The following RAPGEF4 variants were observed in gnomAD, a reference collection of about 807,000 sequenced individuals.
RAPGEF4 encodes the protein Rap guanine nucleotide exchange factor 4, also known as RAP guanine-nucleotide-exchange factor (GEF) 4.
RAPGEF4 carries 66 observed loss-of-function variants against 147.9 expected under a neutral mutation model. The ratio of observed to expected loss-of-function variants is 0.45; its 90% CI spans 0.37 to 0.55. The LOEUF is 0.55. RAPGEF4 is among the 20% of genes least tolerant of loss of function. RAPGEF4 has a pLI of 0.00. For missense variants in RAPGEF4, 1,071 were observed against 1,257.3 expected, an observed-to-expected ratio of 0.85 and a Z score of 2.24; for synonymous variants, 419 against 442.7, an observed-to-expected ratio of 0.95 and a Z score of 0.67.
At chr2:172,944,525 C>G (rs935009338) in intron 6 of RAPGEF4, among the ~76,000 whole-genome samples, 1 of 152,192 alleles carries the variant, frequency 6.6e-6, no homozygotes, top group Non-Finnish European at 1.5e-5. Context: ...TCGGCTGTTT[C>G]TGTTTCATGG....
intron 4 of RAPGEF4, among the ~76,000 whole-genome samples, chr2:172,844,214 A>G (rs1408111557): frequency 6.6e-6 from 1 of 152,170 alleles, no homozygotes; most frequent in East Asian, 1.9e-4. Context: ...TCCCAAGGGC[A>G]GAATGGTCAT....
chr2:172,811,006 T>C (rs1055300413), intron 3 of RAPGEF4, among the ~76,000 whole-genome samples: 4 of 152,230 alleles, frequency 2.6e-5, no homozygotes, highest in African/African-American at 9.6e-5. Flanking sequence ...GGAAAGCCTA[T>C]CAAAGTGTTC....
intron 1 of RAPGEF4, among the ~76,000 whole-genome samples, chr2:172,782,426 T>C (rs1365023756): frequency 6.6e-6 from 1 of 152,200 alleles, no homozygotes. Flanking sequence ...GGTCTCCCTC[T>C]AGTTACCCAG....
chr2:173,009,360 G>C (rs1368029280), intron 17 of RAPGEF4, among the ~76,000 whole-genome samples: 12 of 152,112 alleles, frequency 7.9e-5, no homozygotes, highest in Non-Finnish European at 1.3e-4. Context: ...AAAAAATATT[G>C]AAGGCTTTTG....
intron 1 of RAPGEF4, among the ~76,000 whole-genome samples, chr2:172,755,463 C>T (rs1221378429): frequency 2.0e-5 from 3 of 152,278 alleles, no homozygotes; most frequent in African/African-American, 4.8e-5. Flanking sequence ...GGTGCAATCT[C>T]GGCTCACTGC....
chr2:172,944,406 G>C (rs185230485), intron 6 of RAPGEF4, among the ~76,000 whole-genome samples: 68 of 152,300 alleles, frequency 4.5e-4, no homozygotes, highest in Non-Finnish European at 9.0e-4. Context: ...GGTAGAGATA[G>C]AGGCAAGAAA....
chr2:173,036,668 C>T lies in RAPGEF4; in HGVS notation c.2829C>T (p.Asp943=). The change falls in exon 29 of 31, where the codon GAC becomes GAT. Residue 943 remains aspartate (D), a synonymous_variant. Transcript: ENST00000397081. ...ATGAGGGGAACAAGACGTTCATTGA[C>T]AATCTAGTAAACTTTGAAAAAATGG... The part of the protein sequence containing the change: ...FTHEGNKTFI[D]NLVNFEKMRM... The T allele has an allele frequency of 6.2e-7, 1 of 1,611,102 alleles. No homozygotes were observed. Among genetic ancestry groups the T allele is most frequent in the Middle Eastern group, 1.7e-4 (1 of 6,058 alleles).
rs371699122 is a variant in RAPGEF4 at position 172,985,474 on chromosome 2, C to T, written c.1131C>T (p.His377=). Residue 377 remains histidine (H), a synonymous_variant, in exon 12 of 31, where the codon CAC becomes CAT. Coordinates refer to ENST00000397081, the MANE Select transcript of RAPGEF4 (RefSeq NM_007023.4). ...ELAGVLIFES[H]AKGGTVLFNQ... ...CAGGTGTTCTCATTTTTGAGTCTCA[C>T]GCCAAAGGAGGGACTGTGTGTAAGT... is the stretch of plus-strand genomic sequence containing the variant. 4.1e-5 allele frequency: 66 copies of T among 1,613,722 alleles called. No individual in the cohort carries two copies. In the Middle Eastern group the frequency reaches 1.5e-3, roughly 36 times the overall value.
At chr2:172,931,133 C>A (rs1685876830) in intron 6 of RAPGEF4, among the ~76,000 whole-genome samples, 1 of 123,284 alleles carries the variant, frequency 8.1e-6, no homozygotes, top group Non-Finnish European at 1.5e-5. Flanking sequence ...ATCTGACTTA[C>A]CACAATAAAA....
intron 25 of RAPGEF4, 34 bp downstream of exon 25, chr2:173,027,293 A>G: frequency 6.6e-7 from 1 of 1,508,418 alleles, no homozygotes; most frequent in Non-Finnish European, 8.9e-7. Context: ...AGAAAAAAAA[A>G]TGTTGAGCTG....
At chr2:173,009,541 T>A (rs1187991378) in intron 17 of RAPGEF4, among the ~76,000 whole-genome samples, 1 of 152,170 alleles carries the variant, frequency 6.6e-6, no homozygotes, top group East Asian at 1.9e-4. Flanking sequence ...AATTCGAAGT[T>A]TTTTTAGCTC....
At chr2:172,775,298 C>A (rs1684057007) in intron 1 of RAPGEF4, among the ~76,000 whole-genome samples, 1 of 152,218 alleles carries the variant, frequency 6.6e-6, no homozygotes, top group African/African-American at 2.4e-5. Flanking sequence ...TAAATGCAAT[C>A]ATTCAAACCT....
chr2:172,896,582 C>A (rs890692647), intron 4 of RAPGEF4, among the ~76,000 whole-genome samples: 1 of 151,646 alleles, frequency 6.6e-6, no homozygotes, highest in African/African-American at 2.4e-5. Context: ...ATCCCACCCC[C>A]CCCCAAAAAA....
At chr2:172,865,907 A>G (rs1031502131) in intron 4 of RAPGEF4, among the ~76,000 whole-genome samples, 2 of 152,146 alleles carry the variant, frequency 1.3e-5, no homozygotes, top group Admixed American at 6.5e-5. Flanking sequence ...GTCCATTTGT[A>G]CAAATCCATT....
chr2:173,027,805 A>C (rs139772772), intron 25 of RAPGEF4, among the ~76,000 whole-genome samples: 1 of 152,208 alleles, frequency 6.6e-6, no homozygotes, highest in Non-Finnish European at 1.5e-5. Flanking sequence ...CATGGGAAAC[A>C]ATTTTTTTAC....
At chr2:172,775,735 T>TA (rs1366246447) in intron 1 of RAPGEF4, among the ~76,000 whole-genome samples, 1 of 152,216 alleles carries the variant, frequency 6.6e-6, no homozygotes, top group East Asian at 1.9e-4. Context: ...CAAAAGTTTA[T>TA]AAAAAATTAT....
At chr2:172,838,030 A>C (rs1465260076) in intron 4 of RAPGEF4, among the ~76,000 whole-genome samples, 1 of 152,218 alleles carries the variant, frequency 6.6e-6, no homozygotes, top group Non-Finnish European at 1.5e-5. Context: ...TCTGGGGTGA[A>C]CAATCAAGAG....
chr2:172,757,869 C>T (rs1429239951), intron 1 of RAPGEF4, among the ~76,000 whole-genome samples: 1 of 152,154 alleles, frequency 6.6e-6, no homozygotes, highest in Non-Finnish European at 1.5e-5. Flanking sequence ...CAAAGAAACA[C>T]CTTCTAGGTG....
At chr2:172,797,789 A>G (rs1222958431) in intron 3 of RAPGEF4, among the ~76,000 whole-genome samples, 176 bp downstream of exon 3, 1 of 152,206 alleles carries the variant, frequency 6.6e-6, no homozygotes, top group Non-Finnish European at 1.5e-5. Context: ...CACCTATTGA[A>G]TGTCTTCCCT....
Sources: allele counts gnomAD v4.1 joint callset (sites outside exome capture counted in the v4.1 genomes callset), GRCh38; gene constraint gnomAD v4.1.1; transcripts MANE v1.5; gene names NCBI Gene and HGNC (gene_info 2026-07-23, HGNC 2026-07-21).